The following SPPL2B variants were observed in gnomAD, a reference collection of about 807,000 sequenced individuals.
SPPL2B encodes the protein signal peptide peptidase like 2B, also known as signal peptide peptidase-like 2B.
Under a neutral mutation model 59.7 loss-of-function variants are expected in SPPL2B, and 39 were observed. The ratio of observed to expected loss-of-function variants is 0.65; its 90% CI spans 0.51 to 0.85. The LOEUF (loss-of-function observed/expected upper bound fraction) is 0.85, where lower values mean the gene tolerates loss of function less well. SPPL2B is among the 40% of genes least tolerant of loss of function. SPPL2B has a pLI of 0.00. For synonymous variants in SPPL2B, 419 were observed against 370.8 expected (o/e 1.13, Z -1.49); for missense variants, 865 against 849.0 (o/e 1.02, Z -0.23).
chr19:2,346,781 GGCTTTATAGGT>G (rs1267146028), intron 13 of SPPL2B, among the ~76,000 whole-genome samples: 1 of 152,224 alleles, frequency 6.6e-6, no homozygotes. Context: ...AAGCCGCTGA[GGCTTTATAGGT>G]GCCAGCCCTC....
At position 2,353,461 on chromosome 19, in the gene SPPL2B, T is replaced by G; in HGVS notation, c.*252T>G. 2.3e-6 allele frequency: 1 copy of G among 437,998 alleles called. No individual in the cohort carries two copies. Among genetic ancestry groups the G allele is most frequent in the Non-Finnish European group, 4.1e-6 (1 of 245,438 alleles). The allele number at this position is 437,998 out of a possible 1,614,324, so 27.1% of individuals were successfully genotyped here. On this transcript the variant is annotated 3_prime_UTR_variant, in exon 15 of 15. Coordinates refer to ENST00000613503, the MANE Select transcript of SPPL2B (RefSeq NM_152988.3). Reference sequence around the variant, plus strand: ...CCACAAGCTCTCTGCGGGTCCATCCTCCCCACCGGGGTCCGTCCTCGCAGG... The same window carrying G: ...CCACAAGCTCTCTGCGGGTCCATCCGCCCCACCGGGGTCCGTCCTCGCAGG...
intron 5 of SPPL2B, among the ~76,000 whole-genome samples, chr19:2,339,416 G>A (rs888040628): frequency 1.3e-5 from 2 of 152,224 alleles, no homozygotes; most frequent in African/African-American, 4.8e-5. Context: ...TGGTGGGTGT[G>A]TAGGGCTGGG....
At chr19:2,339,230 T>A in intron 5 of SPPL2B, 22 bp downstream of exon 5, 5 of 1,596,518 alleles carry the variant, frequency 3.1e-6, no homozygotes, top group Non-Finnish European at 4.3e-6. Context: ...ATCGTGCGTG[T>A]GCTGTGACGG....
chr19:2,351,706 T>G, intron 14 of SPPL2B, 112 bp downstream of exon 14: 1 of 1,424,258 alleles, frequency 7.0e-7, no homozygotes, highest in South Asian at 1.3e-5. Context: ...GCGACGGGGC[T>G]CAGGGTCCTG....
chr19:2,344,478 G>T (rs1969253436), intron 11 of SPPL2B, 54 bp downstream of exon 11: 12 of 1,568,236 alleles, frequency 7.7e-6, no homozygotes, highest in Non-Finnish European at 1.0e-5. Context: ...GTGTTGCGCG[G>T]AGCGGATAGG....
At position 2,338,811 on chromosome 19, in the gene SPPL2B, C is replaced by G. The variant is rs766828514; in HGVS notation, c.429C>G (p.Leu143=). The part of the protein sequence containing the change: ...YDEIGIPVAL[L]SYKDMLDIFT... ...AGATTGGCATTCCCGTGGCCCTGCT[C>G]AGCTACAAAGACATGCTGGACATCT... is the stretch of plus-strand genomic sequence containing the variant. Residue 143 remains leucine (L), a synonymous_variant, in exon 4 of 15, where the codon CTC becomes CTG. Transcript: ENST00000613503. 13 of 1,613,600 alleles carry G rather than the reference C, an allele frequency of 8.1e-6. No individual in the cohort carries two copies. The highest frequency in any genetic ancestry group is 1.0e-5 in the Non-Finnish European group (12 of 1,179,678).
chr19:2,335,818 G>A (rs773952749), intron 2 of SPPL2B, among the ~76,000 whole-genome samples: 56 of 152,200 alleles, frequency 3.7e-4, no homozygotes, highest in Admixed American at 5.9e-4. Flanking sequence ...GTGTGCCGGC[G>A]AAGAGGCACT....
intron 13 of SPPL2B, among the ~76,000 whole-genome samples, chr19:2,347,073 T>G (rs1196248062): frequency 6.6e-6 from 1 of 152,260 alleles, no homozygotes; most frequent in East Asian, 1.9e-4. Flanking sequence ...TGCCCCGTTC[T>G]CAGAGGGACT....
At chr19:2,343,341 C>T (rs946053435) in intron 9 of SPPL2B, 49 bp downstream of exon 9, 16 of 1,453,100 alleles carry the variant, frequency 1.1e-5, no homozygotes, top group Non-Finnish European at 1.5e-5. Context: ...TAGTGGGGGC[C>T]CTTCATCCTA....
chr19:2,335,329 C>T (rs1265108626), intron 2 of SPPL2B, among the ~76,000 whole-genome samples: 20 of 108,902 alleles, frequency 1.8e-4, no homozygotes, highest in South Asian at 4.0e-4. Flanking sequence ...CTTCAGGCCC[C>T]GCCTCATTTC....
chr19:2,335,335 A>ACTGCATCATTCAGGCCCCACCTCC (rs1568430153), intron 2 of SPPL2B, among the ~76,000 whole-genome samples: 1 of 24,472 alleles, frequency 4.1e-5, no homozygotes, highest in Non-Finnish European at 7.6e-5. Flanking sequence ...GCCCCGCCTC[A>ACTGCATCATTCAGGCCCCACCTCC]TTTCCCACTG....
At chr19:2,341,873 C>T (rs891752267) in intron 8 of SPPL2B, 11 of 300,506 alleles carry the variant, frequency 3.7e-5, no homozygotes, top group East Asian at 2.0e-4. Flanking sequence ...CAAGGCAGGA[C>T]GATCACTTTG....
intron 13 of SPPL2B, among the ~76,000 whole-genome samples, chr19:2,345,686 CCT>C (rs1231104568): frequency 2.0e-5 from 3 of 151,646 alleles, no homozygotes; most frequent in Non-Finnish European, 4.4e-5. Context: ...CCTGCAACCC[CCT>C]CTTTCTCATT....
In SPPL2B at chr19:2,332,973, A is replaced by G. The variant is rs1968361427; in HGVS notation, c.67-1629A>G. ...ACTGGGCTCTGCTGGGAGGGGGAGC[A>G]GGAGGAGGGTGGGGATGGCAGGTGC... On this transcript the variant is annotated intron_variant, in intron 1 of 14. Transcript: ENST00000613503. This position sits in a 1 kb window ranked among gnomAD's most constrained non-coding sequence, Gnocchi z 4.6. 2.6e-5 allele frequency among the ~76,000 whole-genome samples: 3 copies of G among 115,738 alleles called. No individual in the cohort carries two copies. Among genetic ancestry groups the G allele is most frequent in the South Asian group, 7.1e-4 (2 of 2,824 alleles). The allele number at this position is 115,738 out of a possible 152,430, so 75.9% of individuals were successfully genotyped here. A position where few individuals can be genotyped will look rare whatever the true frequency, so the allele number is the denominator to read the frequency against.
rs780811855 is a variant in SPPL2B at position 2,351,529 on chromosome 19, A to G, written c.1450A>G (p.Thr484Ala). The change falls in exon 14 of 15, where the codon ACG becomes GCG. Residue 484 changes from threonine to alanine, a missense_variant. Coordinates refer to ENST00000613503, the MANE Select transcript of SPPL2B (RefSeq NM_152988.3). ...LLYLVPCTLV[T>A]SCAVALWRRE... ...CTACCTGGTGCCCTGCACGCTGGTG[A>G]CGAGCTGCGCTGTGGCGCTCTGGCG... 2 of 1,611,380 alleles carry G rather than the reference A, an allele frequency of 1.2e-6. No homozygotes were observed. Among genetic ancestry groups the G allele is most frequent in the Non-Finnish European group, 1.7e-6 (2 of 1,179,592 alleles).
chr19:2,335,256 C>G (rs1385608012), intron 2 of SPPL2B, among the ~76,000 whole-genome samples: 43 of 139,724 alleles, frequency 3.1e-4, no homozygotes, highest in African/African-American at 9.9e-4. Flanking sequence ...CCCACTGCAT[C>G]CTTCAGGCCC....
chr19:2,337,674 G>C (rs760700456), intron 3 of SPPL2B, 49 bp downstream of exon 3: 25 of 1,489,196 alleles, frequency 1.7e-5, no homozygotes, highest in South Asian at 7.9e-5. Context: ...GGGCAGGAGG[G>C]GGGTGCAGGA....
rs374983868 is a variant in SPPL2B, at chr19:2,339,803, G to C, written c.600-21G>C. ...CGGCCAGCCGGCCCCAGGGCCCCAC[G>C]ACCCCATGGTGTCTCCCAAGAAGGT... On this transcript the variant is annotated intron_variant, in intron 5 of 14. Transcript: ENST00000613503. 2.4e-5 allele frequency: 38 copies of C among 1,599,940 alleles called. No homozygotes were observed. The Admixed American group carries it at 6.6e-4, about 28-fold the overall frequency.
chr19:2,338,922 C>A, intron 4 of SPPL2B, 81 bp downstream of exon 4: 1 of 1,520,314 alleles, frequency 6.6e-7, no homozygotes, highest in Non-Finnish European at 9.0e-7. Flanking sequence ...GGGGTTTGTG[C>A]CTCAGTTGGT....
Sources: gnomAD v4.1 joint callset for allele counts (sites outside exome capture counted in the v4.1 genomes callset) on GRCh38, gnomAD v4.1.1 for gene constraint, Gnocchi (gnomAD v3.1) non-coding constraint, MANE v1.5 for transcripts, NCBI Gene and HGNC (gene_info 2026-07-23, HGNC 2026-07-21) for gene names.